Variants in PDLIM5 observed in about 807,000 individuals in gnomAD.
PDLIM5 encodes the protein PDZ and LIM domain 5, also known as PDZ and LIM domain protein 5.
A neutral mutation model predicts 64.2 loss-of-function variants in PDLIM5; 34 were observed. The ratio of observed to expected loss-of-function variants is 0.53; its 90% CI spans 0.40 to 0.71. The LOEUF (loss-of-function observed/expected upper bound fraction) is 0.71. PDLIM5 is among the 30% of genes least tolerant of loss of function. The pLI, the probability that PDLIM5 is intolerant of heterozygous loss-of-function variation, is 0.00. For synonymous variants in PDLIM5, 253 were observed against 269.1 expected (o/e 0.94, Z 0.59); for missense variants, 683 against 733.6 (o/e 0.93, Z 0.80).
chr4:94,490,474 A>G (rs1726770077), intron 2 of PDLIM5, among the ~76,000 whole-genome samples: 1 of 152,148 alleles, frequency 6.6e-6, no homozygotes. Context: ...ATTACTGATT[A>G]TATCCTTCCA....
chr4:94,555,610 C>T (rs1733224681), intron 3 of PDLIM5, among the ~76,000 whole-genome samples: 1 of 151,962 alleles, frequency 6.6e-6, no homozygotes, highest in Non-Finnish European at 1.5e-5. Flanking sequence ...CACTGAAGTG[C>T]CAGAATAGTG....
intron 2 of PDLIM5, among the ~76,000 whole-genome samples, chr4:94,465,364 T>A (rs1724255126): frequency 6.6e-6 from 1 of 152,174 alleles, no homozygotes; most frequent in African/African-American, 2.4e-5. Flanking sequence ...TATTTAATTC[T>A]CATAACAGCC....
At position 94,471,878 on chromosome 4, in the gene PDLIM5, A is replaced by G. The variant is rs73833915; in HGVS notation, c.96+16494A>G. Among the ~76,000 whole-genome samples the G allele has an allele frequency of 8.4e-3, 1,274 of 152,230 alleles. 8 individuals carry two copies. Among genetic ancestry groups the G allele is most frequent in the South Asian group, 0.031 (151 of 4,828 alleles). On this transcript the variant is annotated intron_variant, in intron 2 of 12. Transcript: ENST00000317968. ...AAGTATTTGTACTTACAAAGATCTT[A>G]TAAGTATTTATACTTACAAAGATCT...
chr4:94,628,712 A>G (rs1739899046), intron 8 of PDLIM5, among the ~76,000 whole-genome samples: 1 of 152,188 alleles, frequency 6.6e-6, no homozygotes, highest in South Asian at 2.1e-4. Flanking sequence ...TGACTTTGGA[A>G]GTAAGACATG....
At chr4:94,465,645 C>CTCCTACCTCT (rs1560633200) in intron 2 of PDLIM5, among the ~76,000 whole-genome samples, 4 of 151,990 alleles carry the variant, frequency 2.6e-5, no homozygotes, top group Non-Finnish European at 4.4e-5. Flanking sequence ...CCCTGACTCC[C>CTCCTACCTCT]GCCTCAGCTT....
At chr4:94,543,695 C>T (rs1457969662) in intron 3 of PDLIM5, among the ~76,000 whole-genome samples, 1 of 151,930 alleles carries the variant, frequency 6.6e-6, no homozygotes, top group African/African-American at 2.4e-5. Context: ...TGGCTTATTT[C>T]ACTTAACATA....
chr4:94,586,755 C>T (rs760688884), intron 7 of PDLIM5, among the ~76,000 whole-genome samples: 11 of 152,190 alleles, frequency 7.2e-5, no homozygotes, highest in Middle Eastern at 6.8e-3. Flanking sequence ...CTTGCAGTCA[C>T]TTTATTTTGA....
chr4:94,618,860 A>C (rs899072387), intron 8 of PDLIM5, among the ~76,000 whole-genome samples: 3 of 152,244 alleles, frequency 2.0e-5, no homozygotes, highest in Admixed American at 1.3e-4. Flanking sequence ...TTATGTAAAA[A>C]AAAGTACCCC....
intron 9 of PDLIM5, among the ~76,000 whole-genome samples, chr4:94,648,395 C>G (rs1741581278): frequency 6.6e-6 from 1 of 152,292 alleles, no homozygotes; most frequent in Non-Finnish European, 1.5e-5. Flanking sequence ...TCTCAGCTCA[C>G]TGCAGCCTCC....
chr4:94,633,621 C>T (rs1235520380), intron 8 of PDLIM5, among the ~76,000 whole-genome samples: 1 of 152,126 alleles, frequency 6.6e-6, no homozygotes, highest in African/African-American at 2.4e-5. Flanking sequence ...GTGCAGGAGT[C>T]ATTTTTTCTC....
intron 2 of PDLIM5, among the ~76,000 whole-genome samples, chr4:94,520,131 A>G (rs981022358): frequency 3.3e-5 from 5 of 152,178 alleles, no homozygotes. Context: ...CAGTTCCAAC[A>G]TGTACAGCCA....
chr4:94,600,880 A>G (rs2110349348), intron 7 of PDLIM5, among the ~76,000 whole-genome samples: 1 of 152,352 alleles, frequency 6.6e-6, no homozygotes, highest in East Asian at 1.9e-4. Context: ...TTTAGACCCT[A>G]TAGAACATTT....
chr4:94,581,840 A>G (rs1446236855), intron 5 of PDLIM5, among the ~76,000 whole-genome samples: 2 of 152,180 alleles, frequency 1.3e-5, no homozygotes, highest in East Asian at 1.9e-4. Flanking sequence ...GGCTATGTGA[A>G]TGAATTATGT....
At chr4:94,624,221 G>A (rs1739483929) in intron 8 of PDLIM5, among the ~76,000 whole-genome samples, 1 of 152,092 alleles carries the variant, frequency 6.6e-6, no homozygotes, top group Non-Finnish European at 1.5e-5. Context: ...GGGAGGCTGA[G>A]ATGGGAAGAT....
chr4:94,561,707 T>C (rs1733865519), intron 3 of PDLIM5, among the ~76,000 whole-genome samples: 1 of 152,198 alleles, frequency 6.6e-6, no homozygotes, highest in Non-Finnish European at 1.5e-5. Context: ...TTAGAGGTTA[T>C]GTTTTTCTCC....
At chr4:94,656,291 C>T (rs1742204873) in intron 10 of PDLIM5, among the ~76,000 whole-genome samples, 2 of 151,820 alleles carry the variant, frequency 1.3e-5, no homozygotes, top group African/African-American at 4.8e-5. Context: ...ACTACTCATC[C>T]AAAATTATTT....
At chr4:94,462,118 C>T (rs1371244209) in intron 2 of PDLIM5, among the ~76,000 whole-genome samples, 1 of 152,184 alleles carries the variant, frequency 6.6e-6, no homozygotes, top group African/African-American at 2.4e-5. Flanking sequence ...CCACCTCAGC[C>T]TCCCAAAGTG....
At chr4:94,618,242 T>C (rs1173478834) in intron 8 of PDLIM5, 51 bp downstream of exon 8, 8 of 1,251,282 alleles carry the variant, frequency 6.4e-6, no homozygotes, top group African/African-American at 1.5e-5. Context: ...AGTTTCATTA[T>C]GAAAATGTGT....
chr4:94,453,886 A>G (rs1723088238), intron 1 of PDLIM5, among the ~76,000 whole-genome samples: 1 of 152,132 alleles, frequency 6.6e-6, no homozygotes, highest in Admixed American at 6.6e-5. Context: ...AGTTCAGTAT[A>G]CTACCACGCC....
Sources: gnomAD v4.1 joint callset for allele counts (sites outside exome capture counted in the v4.1 genomes callset) on GRCh38, gnomAD v4.1.1 for gene constraint, MANE v1.5 for transcripts, NCBI Gene and HGNC (gene_info 2026-07-23, HGNC 2026-07-21) for gene names.